SLC22A16: variants seen among roughly 807,000 people sequenced by gnomAD.
The protein encoded by SLC22A16 is WUGSC:RG331P03.1.
In SLC22A16, 53 loss-of-function variants were observed where a neutral mutation model predicts 52.9. The observed-to-expected ratio is 1.00, with a 90% CI of 0.80 to 1.26. The LOEUF is 1.26. Ranked by LOEUF, SLC22A16 falls within the 50% of genes most tolerant of loss-of-function variation. The probability of loss-of-function intolerance (pLI) is 0.00; values close to 1 mark genes in which losing one functional copy is unlikely to be tolerated. For synonymous variants in SLC22A16, 291 were observed against 268.8 expected, an observed-to-expected ratio of 1.08 and a Z score of -0.81; for missense variants, 726 against 704.0, an observed-to-expected ratio of 1.03 and a Z score of -0.35.
chr6:110,456,402 G>C (rs144305219), intron 2 of SLC22A16, 136 bp downstream of exon 2: 1 of 1,083,812 alleles, frequency 9.2e-7, no homozygotes, highest in African/African-American at 1.6e-5. Flanking sequence ...CTAAATAATG[G>C]ATCAGCAAAG....
At position 110,442,618 on chromosome 6, in the gene SLC22A16, TA is replaced by T. The variant is rs1562284527; in HGVS notation, c.808del (p.Tyr270ThrfsTer3). The T allele has an allele frequency of 1.2e-6, 2 of 1,614,148 alleles. No homozygotes were observed. Among genetic ancestry groups the T allele is most frequent in the Non-Finnish European group, 1.7e-6 (2 of 1,180,030 alleles). Reference protein sequence around the residue: ...TGYLVRTWWLYQMILSTVTVP... With the variant: ...TGYLVRTWWLXQMILSTVTVP... ...AGTCACTGTGGAGAGGATCATCTGG[TA>T]AAGCCACCAGGTCCTGACCAAGTAT... On this transcript the variant is annotated frameshift_variant, in exon 4 of 8. Coordinates refer to ENST00000368919, the MANE Select transcript of SLC22A16 (RefSeq NM_033125.4). LOFTEE classifies it high-confidence loss of function.
chr6:110,454,740 AT>A lies in SLC22A16; in HGVS notation c.533+1797del, dbSNP rs1294517898. Among the ~76,000 whole-genome samples, 44 of 73,600 alleles carry A rather than the reference AT, an allele frequency of 6.0e-4. 2 individuals carry two copies. The highest frequency in any genetic ancestry group is 2.4e-3 in the African/African-American group (42 of 17,494). 48.3% of individuals were successfully genotyped at this position (73,600 alleles called of 152,430 possible). On this transcript the variant is annotated intron_variant, in intron 2 of 7. Transcript: ENST00000368919. ...TTTATATATATTATATGTACATATA[AT>A]ATATATATTATTATATACATTTATA...
At chr6:110,456,382 T>C (rs1293312877) in intron 2 of SLC22A16, 156 bp downstream of exon 2, 2 of 957,390 alleles carry the variant, frequency 2.1e-6, no homozygotes, top group Non-Finnish European at 3.1e-6. Context: ...ATCCTTATCA[T>C]TATACATCCC....
chr6:110,434,888 G>T (rs1292888651), intron 6 of SLC22A16, among the ~76,000 whole-genome samples: 1 of 152,112 alleles, frequency 6.6e-6, no homozygotes, highest in Non-Finnish European at 1.5e-5. Context: ...TGAGGCAAGA[G>T]AATTGCTTGA....
intron 6 of SLC22A16, among the ~76,000 whole-genome samples, chr6:110,435,330 G>A (rs534726184): frequency 6.6e-6 from 1 of 152,286 alleles, no homozygotes; most frequent in Admixed American, 6.5e-5. Context: ...CATCAGCGGT[G>A]CACACAGAGG....
chr6:110,438,880 A>G, intron 4 of SLC22A16, 33 bp from the exon 5 acceptor site: 3 of 1,610,916 alleles, frequency 1.9e-6, no homozygotes, highest in Non-Finnish European at 2.5e-6. Flanking sequence ...CTATAAGTCT[A>G]GGTACCCGAC....
At chr6:110,461,965 A>G (rs1382570457) in intron 1 of SLC22A16, among the ~76,000 whole-genome samples, 1 of 152,238 alleles carries the variant, frequency 6.6e-6, no homozygotes, top group Non-Finnish European at 1.5e-5. Context: ...TTGGACTTAC[A>G]GTTCCACAAG....
intron 3 of SLC22A16, among the ~76,000 whole-genome samples, chr6:110,443,445 A>T (rs540188208): frequency 6.6e-6 from 1 of 152,308 alleles, no homozygotes; most frequent in East Asian, 1.9e-4. Flanking sequence ...GAAGAAATAC[A>T]AATTTTTACC....
chr6:110,476,396 C>T (rs1173772189), intron 1 of SLC22A16, 126 bp downstream of exon 1: 5 of 1,378,326 alleles, frequency 3.6e-6, no homozygotes. Context: ...CCCGACTGCG[C>T]GGGGTGAGGA....
intron 7 of SLC22A16, among the ~76,000 whole-genome samples, chr6:110,430,381 G>C (rs1774447879): frequency 6.6e-6 from 1 of 151,846 alleles, no homozygotes. Context: ...CTCGCCTGAA[G>C]CCAGGATGAG....
At position 110,425,056 on chromosome 6, in the gene SLC22A16, A is replaced by C. The variant is rs1266718486; in HGVS notation, c.1551T>G (p.Ser517Arg). Residue 517 changes from serine to arginine, a missense_variant, in exon 8 of 8, where the codon AGT becomes AGG. Ser to Arg is a moderately radical substitution (Grantham distance 110). Transcript: ENST00000368919. The stretch of plus-strand genomic sequence containing the variant: ...CTGGAAGCTTTAGTGTTAACACTCC[A>C]CTCAGGAGGGCCATAGTCCCAACAA... ...QLFVGTMALL[S>R]GVLTLKLPET... is the part of the protein sequence containing the mutation. 4.3e-6 allele frequency: 7 copies of C among 1,614,152 alleles called. No individual in the cohort carries two copies. In the South Asian group the frequency reaches 7.7e-5, roughly 18 times the overall value.
At chr6:110,453,833 G>A in intron 2 of SLC22A16, 2 of 394,646 alleles carry the variant, frequency 5.1e-6, no homozygotes, top group Non-Finnish European at 1.0e-5. Context: ...AAGATCAAGG[G>A]TACTGGCTTC....
chr6:110,439,581 T>C (rs568604790), intron 4 of SLC22A16, among the ~76,000 whole-genome samples: 2 of 152,332 alleles, frequency 1.3e-5, no homozygotes, highest in East Asian at 3.9e-4. Context: ...ATGTGTCTGC[T>C]GAGGAAATCA....
chr6:110,470,722 C>G lies in SLC22A16; in HGVS notation c.53+5800G>C, dbSNP rs921690564. Among the ~76,000 whole-genome samples, 5 of 152,098 alleles carry G rather than the reference C, an allele frequency of 3.3e-5. No homozygotes were observed. In the South Asian group the frequency reaches 1.0e-3, roughly 32 times the overall value. ...CACATACACCAACACAGCACCCACC[C>G]TGGCAGGCCTCTGAAGCTAGGATTT... On this transcript the variant is annotated intron_variant, in intron 1 of 7. Transcript: ENST00000368919.
At chr6:110,473,087 G>A (rs1334954712) in intron 1 of SLC22A16, among the ~76,000 whole-genome samples, 2 of 152,130 alleles carry the variant, frequency 1.3e-5, no homozygotes, top group East Asian at 3.8e-4. Context: ...TAAACTATGG[G>A]CTTTGTGGGA....
In SLC22A16 at chr6:110,438,808, G is replaced by A. The variant is rs1451324131; in HGVS notation, c.1223C>T (p.Ala408Val). ...TGTTCTCCTCCCGACCTTGTCCATG[G>A]CGATGCACACGAAGGTGTAGGCGGG... ...EIPAYTFVCI[A>V]MDKVGRRTVL... The change falls in exon 5 of 8, where the codon GCC (alanine) becomes GTC (valine). Residue 408 changes from alanine to valine, a missense_variant. Ala to Val is a moderately conservative substitution (Grantham distance 64, BLOSUM62 0). Coordinates refer to ENST00000368919, the MANE Select transcript of SLC22A16 (RefSeq NM_033125.4). 6.2e-7 allele frequency: 1 copy of A among 1,614,104 alleles called. No individual in the cohort carries two copies. Among genetic ancestry groups the A allele is most frequent in the South Asian group, 1.1e-5 (1 of 91,076 alleles).
At chr6:110,460,806 A>G (rs1322631124) in intron 1 of SLC22A16, among the ~76,000 whole-genome samples, 1 of 151,996 alleles carries the variant, frequency 6.6e-6, no homozygotes, top group Non-Finnish European at 1.5e-5. Context: ...ATGGGGGACC[A>G]GCAGGACCCT....
intron 1 of SLC22A16, among the ~76,000 whole-genome samples, chr6:110,470,540 C>T (rs1054983237): frequency 6.6e-5 from 10 of 152,136 alleles, no homozygotes; most frequent in African/African-American, 2.4e-4. Flanking sequence ...GTCTTCAGAT[C>T]CTACCAGCTT....
At chr6:110,438,467 T>C (rs527251058) in intron 5 of SLC22A16, among the ~76,000 whole-genome samples, 1 of 152,166 alleles carries the variant, frequency 6.6e-6, no homozygotes, top group East Asian at 1.9e-4. Flanking sequence ...GCTGGGATTA[T>C]AAGTGTGAGT....
Sources: allele counts gnomAD v4.1 joint callset (sites outside exome capture counted in the v4.1 genomes callset), GRCh38; gene constraint gnomAD v4.1.1; transcripts MANE v1.5; gene names NCBI Gene and HGNC (gene_info 2026-07-23, HGNC 2026-07-21).